Variants in STK32B observed in about 807,000 individuals in gnomAD.
STK32B encodes serine/threonine-protein kinase 32B.
In STK32B, 43 loss-of-function variants were observed where a neutral mutation model predicts 52.6. That is an observed-to-expected ratio of 0.82 (90% CI 0.64 to 1.05). The LOEUF is 1.05. Ranked by LOEUF, STK32B falls within the 50% of genes least tolerant of loss-of-function variation. The pLI, the probability that STK32B is intolerant of heterozygous loss-of-function variation, is 0.00. For missense variants in STK32B, 621 were observed against 534.6 expected, an observed-to-expected ratio of 1.16 and a Z score of -1.59; for synonymous variants, 238 against 204.3, an observed-to-expected ratio of 1.17 and a Z score of -1.41.
intron 11 of STK32B, among the ~76,000 whole-genome samples, chr4:5,487,268 C>T (rs1020302831): frequency 1.3e-5 from 2 of 152,112 alleles, no homozygotes; most frequent in African/African-American, 4.8e-5. Flanking sequence ...TGACTGTGGT[C>T]TAGTATTGAT....
At chr4:5,314,343 T>G (rs1730517738) in intron 3 of STK32B, among the ~76,000 whole-genome samples, 1 of 152,156 alleles carries the variant, frequency 6.6e-6, no homozygotes. Flanking sequence ...AGCAGAAGAA[T>G]GAACCATCAC....
rs532480184 is a variant in STK32B at position 5,453,850 on chromosome 4, AG to A, written c.667-2956del. Among the ~76,000 whole-genome samples the A allele has an allele frequency of 5.9e-5, 9 of 152,210 alleles. No individual in the cohort carries two copies. Among genetic ancestry groups the A allele is most frequent in the African/African-American group, 1.7e-4 (7 of 41,542 alleles). On this transcript the variant is annotated intron_variant, in intron 7 of 11. Transcript: ENST00000282908. This position sits in a 1 kb window ranked among gnomAD's most constrained non-coding sequence, Gnocchi z 4.0. ...AACCTGGCAGGTGGAGGTTGCAGTG[AG>A]CCGAGATCATACCATTGCACTCCAG...
chr4:5,143,222 A>C (rs1716642795), intron 2 of STK32B, among the ~76,000 whole-genome samples: 1 of 152,200 alleles, frequency 6.6e-6, no homozygotes, highest in Non-Finnish European at 1.5e-5. Flanking sequence ...CAACAAGAGC[A>C]TGTGCAGGCT....
the STK32B span, among the ~76,000 whole-genome samples, chr4:5,042,924 G>A: frequency 6.6e-6 from 1 of 151,530 alleles, no homozygotes; most frequent in African/African-American, 2.4e-5. Context: ...GGCTAACAAG[G>A]TGAAACCCCG....
At chr4:5,390,435 T>G (rs1373022863) in intron 4 of STK32B, among the ~76,000 whole-genome samples, 2 of 152,212 alleles carry the variant, frequency 1.3e-5, no homozygotes, top group African/African-American at 4.8e-5. Flanking sequence ...CCTGGGAGCT[T>G]CACAAGCTTC....
At chr4:5,165,340 C>T (rs774745276) in intron 2 of STK32B, among the ~76,000 whole-genome samples, 1 of 152,150 alleles carries the variant, frequency 6.6e-6, no homozygotes, top group Non-Finnish European at 1.5e-5. Flanking sequence ...CATGAGTTCT[C>T]CTTTGAAAGC....
At chr4:5,118,350 T>A (rs1412446092) in intron 1 of STK32B, among the ~76,000 whole-genome samples, 2 of 152,256 alleles carry the variant, frequency 1.3e-5, no homozygotes, top group East Asian at 3.9e-4. Context: ...GGCATGTAAG[T>A]GTTCATAGTA....
intron 3 of STK32B, among the ~76,000 whole-genome samples, chr4:5,216,838 T>C (rs1207731201): frequency 6.6e-6 from 1 of 152,136 alleles, no homozygotes; most frequent in Non-Finnish European, 1.5e-5. Context: ...ACAGATTTGT[T>C]AGTTTATGAA....
chr4:5,334,020 A>G (rs946919766), intron 4 of STK32B, among the ~76,000 whole-genome samples: 5 of 152,152 alleles, frequency 3.3e-5, no homozygotes, highest in Non-Finnish European at 5.9e-5. Flanking sequence ...GAAGAAAGTC[A>G]TTGGTAGCTT....
chr4:5,108,490 G>A (rs1016409376), intron 1 of STK32B, among the ~76,000 whole-genome samples: 8 of 152,110 alleles, frequency 5.3e-5, no homozygotes, highest in Non-Finnish European at 7.4e-5. Context: ...CATAAAACAC[G>A]TTGGGAAATA....
chr4:5,207,777 T>A (rs1000553442), intron 3 of STK32B, among the ~76,000 whole-genome samples: 1 of 151,902 alleles, frequency 6.6e-6, no homozygotes, highest in African/African-American at 2.4e-5. Flanking sequence ...CAAAGAGGAC[T>A]GTGATCACTT....
chr4:5,078,503 G>A (rs1163039484), intron 1 of STK32B, among the ~76,000 whole-genome samples: 1 of 152,192 alleles, frequency 6.6e-6, no homozygotes, highest in Non-Finnish European at 1.5e-5. Flanking sequence ...GTGGGTCTTT[G>A]CCACTAGCCA....
At chr4:5,427,195 G>A (rs945795805) in intron 6 of STK32B, among the ~76,000 whole-genome samples, 1 of 152,184 alleles carries the variant, frequency 6.6e-6, no homozygotes, top group Non-Finnish European at 1.5e-5. Context: ...AAATACTGCT[G>A]ACTGACTTTG....
intron 3 of STK32B, among the ~76,000 whole-genome samples, chr4:5,275,029 A>G (rs1446187177): frequency 1.3e-5 from 2 of 152,132 alleles, no homozygotes; most frequent in Non-Finnish European, 2.9e-5. Flanking sequence ...CTTCTAACAG[A>G]GCTATAACAC....
intron 3 of STK32B, among the ~76,000 whole-genome samples, chr4:5,181,572 G>T (rs1352849808): frequency 6.6e-6 from 1 of 152,214 alleles, no homozygotes; most frequent in Non-Finnish European, 1.5e-5. Context: ...TGCAGGTTCA[G>T]TATCAGAACA....
chr4:5,389,258 C>T (rs575601227), intron 4 of STK32B, among the ~76,000 whole-genome samples: 4 of 152,280 alleles, frequency 2.6e-5, no homozygotes, highest in South Asian at 2.1e-4. Context: ...TTTCATTGTC[C>T]AGTAAAATAA....
intron 3 of STK32B, among the ~76,000 whole-genome samples, chr4:5,209,718 A>G (rs1484987697): frequency 2.6e-5 from 4 of 152,200 alleles, no homozygotes; most frequent in Admixed American, 2.6e-4. Context: ...TCTGTGTTAG[A>G]TCCCTCATGA....
intron 1 of STK32B, among the ~76,000 whole-genome samples, chr4:5,088,641 CTGTT>C (rs1712874364): frequency 6.6e-6 from 1 of 151,868 alleles, no homozygotes; most frequent in African/African-American, 2.4e-5. Flanking sequence ...CAAAGGATAA[CTGTT>C]TGAGAGATGG....
chr4:5,183,410 G>T (rs757150918), intron 3 of STK32B, among the ~76,000 whole-genome samples: 1 of 151,888 alleles, frequency 6.6e-6, no homozygotes, highest in Non-Finnish European at 1.5e-5. Flanking sequence ...TGAGGAAGCA[G>T]GGGTTGCAGT....
Sources: allele counts gnomAD v4.1 joint callset (sites outside exome capture counted in the v4.1 genomes callset), GRCh38; gene constraint gnomAD v4.1.1; non-coding constraint Gnocchi (gnomAD v3.1); transcripts MANE v1.5; gene names NCBI Gene and HGNC (gene_info 2026-07-23, HGNC 2026-07-21).